Variants in LMBRD1 observed in about 807,000 individuals in gnomAD.
The protein encoded by LMBRD1 is lysosomal cobalamin transport escort protein LMBD1.
In LMBRD1, 64 loss-of-function variants were observed where a neutral mutation model predicts 74.8. The observed-to-expected ratio is 0.86, with a 90% CI of 0.70 to 1.05. The LOEUF (loss-of-function observed/expected upper bound fraction) is 1.05, where lower values mean the gene tolerates loss of function less well. LMBRD1 is among the 50% of genes least tolerant of loss of function. The pLI is 0.00. For missense variants in LMBRD1, 652 were observed against 645.9 expected (o/e 1.01, Z -0.10); for synonymous variants, 204 against 216.3 (o/e 0.94, Z 0.50).
intron 14 of LMBRD1, among the ~76,000 whole-genome samples, chr6:69,679,994 GGTTA>G (rs1273872172): frequency 1.1e-4 from 17 of 152,126 alleles, no homozygotes; most frequent in African/African-American, 4.1e-4. Context: ...GAAAATAATT[GGTTA>G]GTCATTAATA....
At chr6:69,779,952 C>T (rs536715512) in intron 3 of LMBRD1, among the ~76,000 whole-genome samples, 1 of 152,242 alleles carries the variant, frequency 6.6e-6, no homozygotes, top group East Asian at 1.9e-4. Context: ...TATGCAAATG[C>T]AAGCCATTAG....
chr6:69,788,501 G>A (rs186784292), intron 2 of LMBRD1, among the ~76,000 whole-genome samples: 51 of 152,186 alleles, frequency 3.4e-4, no homozygotes, highest in Admixed American at 9.2e-4. Context: ...GCGATATACA[G>A]AGCCAAAAGA....
Position 69,780,382 on chromosome 6 carries a change from A to G in LMBRD1, c.307+112T>C, listed in dbSNP as rs1005229282. 5.0e-6 allele frequency: 4 copies of G among 794,656 alleles called. No homozygotes were observed. The African/African-American group carries it at 6.9e-5, about 14-fold the overall frequency. The allele number at this position is 794,656 out of a possible 1,614,324, so 49.2% of individuals were successfully genotyped here. On this transcript the variant is annotated intron_variant, in intron 3 of 15. Transcript: ENST00000649934. ...AAACTACTCCATGTGTGTCCATGTCATTTTTTTCTAATTCGACCCAAGAGG... is the reference window on the plus strand; with the variant it reads ...AAACTACTCCATGTGTGTCCATGTCGTTTTTTTCTAATTCGACCCAAGAGG...
chr6:69,711,704 C>A (rs1766387300), intron 9 of LMBRD1, among the ~76,000 whole-genome samples: 1 of 152,086 alleles, frequency 6.6e-6, no homozygotes, highest in South Asian at 2.1e-4. Flanking sequence ...TTTTAAAAAT[C>A]TCTTTCAAAC....
intron 3 of LMBRD1, among the ~76,000 whole-genome samples, chr6:69,755,870 T>C (rs540937940): frequency 6.6e-6 from 1 of 152,332 alleles, no homozygotes; most frequent in African/African-American, 2.4e-5. Context: ...GCTTGGCCTT[T>C]AGATAGCCAA....
intron 3 of LMBRD1, among the ~76,000 whole-genome samples, chr6:69,776,069 A>T (rs1765692479): frequency 6.6e-6 from 1 of 152,234 alleles, no homozygotes; most frequent in South Asian, 2.1e-4. Flanking sequence ...TGGTTTTTTC[A>T]ATGTATAATG....
chr6:69,726,381 T>C (rs906046448), intron 7 of LMBRD1, among the ~76,000 whole-genome samples: 2 of 152,156 alleles, frequency 1.3e-5, no homozygotes, highest in Non-Finnish European at 2.9e-5. Context: ...ATTTGGCACA[T>C]ACTCAAAAGA....
chr6:69,711,847 ACATTT>A (rs1461686354), intron 9 of LMBRD1, among the ~76,000 whole-genome samples: 1 of 152,014 alleles, frequency 6.6e-6, no homozygotes, highest in Non-Finnish European at 1.5e-5. Flanking sequence ...CTTTTTTTTA[ACATTT>A]AAGTTCACGG....
intron 3 of LMBRD1, among the ~76,000 whole-genome samples, chr6:69,777,444 CA>C (rs71741122): frequency 1.7e-3 from 175 of 104,100 alleles, no homozygotes; most frequent in Middle Eastern, 4.5e-3. Flanking sequence ...GACTCTGTTG[CA>C]AAAAAAAAAA....
intron 14 of LMBRD1, among the ~76,000 whole-genome samples, chr6:69,677,821 T>C (rs1248943632): frequency 6.6e-6 from 1 of 152,132 alleles, no homozygotes; most frequent in Non-Finnish European, 1.5e-5. Flanking sequence ...TAAAAATAAA[T>C]CATATATTTT....
At chr6:69,779,852 G>GA (rs1765788243) in intron 3 of LMBRD1, among the ~76,000 whole-genome samples, 2 of 152,192 alleles carry the variant, frequency 1.3e-5, no homozygotes, top group Non-Finnish European at 2.9e-5. Flanking sequence ...GAGTTATTAA[G>GA]AAATTATTGT....
intron 3 of LMBRD1, among the ~76,000 whole-genome samples, chr6:69,769,223 A>T (rs1765529800): frequency 6.6e-6 from 1 of 152,094 alleles, no homozygotes; most frequent in Admixed American, 6.6e-5. Context: ...TGATCTTCAG[A>T]TTAGATCATC....
At chr6:69,778,746 A>G (rs1269023489) in intron 3 of LMBRD1, among the ~76,000 whole-genome samples, 1 of 152,148 alleles carries the variant, frequency 6.6e-6, no homozygotes, top group African/African-American at 2.4e-5. Flanking sequence ...TCAAAATTGT[A>G]TTTTATTATA....
rs1765587764 is a variant in LMBRD1, at chr6:69,772,042, A to G, written c.307+8452T>C. 2.6e-5 allele frequency among the ~76,000 whole-genome samples: 4 copies of G among 152,324 alleles called. No homozygotes were observed. In the South Asian group the frequency reaches 6.2e-4, roughly 24 times the overall value. ...TCTATCCTTCTTGTTGCTATCCACA[A>G]GAAAAAAAACCTACTGTATGACAGA... On this transcript the variant is annotated intron_variant, in intron 3 of 15. Transcript: ENST00000649934.
intron 14 of LMBRD1, among the ~76,000 whole-genome samples, chr6:69,681,891 A>G (rs576241510): frequency 9.2e-5 from 14 of 152,058 alleles, no homozygotes; most frequent in African/African-American, 3.1e-4. Flanking sequence ...ATTATTTATA[A>G]AATGGTTTTA....
chr6:69,711,390 C>CA (rs1176646675), intron 9 of LMBRD1, among the ~76,000 whole-genome samples: 2 of 152,096 alleles, frequency 1.3e-5, no homozygotes, highest in Non-Finnish European at 2.9e-5. Context: ...CTATATTGGG[C>CA]AAAACCAGTC....
At chr6:69,770,667 C>T (rs1182222230) in intron 3 of LMBRD1, among the ~76,000 whole-genome samples, 1 of 152,162 alleles carries the variant, frequency 6.6e-6, no homozygotes, top group Non-Finnish European at 1.5e-5. Flanking sequence ...TGAGTACCTA[C>T]TATGTGCCAA....
At chr6:69,749,273 C>CTTTTTTTTTTTTTTTTTTTTTTTTTTT in intron 5 of LMBRD1, 68 bp downstream of exon 5, 1 of 1,237,270 alleles carries the variant, frequency 8.1e-7, no homozygotes, top group African/African-American at 1.7e-5. Context: ...CTGAATGATC[C>CTTTTTTTTTTTTTTTTTTTTTTTTTTT]TTTTATTTTT....
intron 3 of LMBRD1, among the ~76,000 whole-genome samples, chr6:69,760,881 G>A (rs138199036): frequency 3.0e-4 from 46 of 152,158 alleles, no homozygotes; most frequent in African/African-American, 1.0e-3. Context: ...GATAAAACCC[G>A]AGGCCTGTCT....
Sources: allele counts gnomAD v4.1 joint callset (sites outside exome capture counted in the v4.1 genomes callset), GRCh38; gene constraint gnomAD v4.1.1; transcripts MANE v1.5; gene names NCBI Gene and HGNC (gene_info 2026-07-23, HGNC 2026-07-21).